The following TPD52 variants were observed in gnomAD, a reference collection of about 807,000 sequenced individuals.
The protein encoded by TPD52 is prostate and colon associated protein.
A neutral mutation model predicts 31.3 loss-of-function variants in TPD52; 17 were observed. The ratio of observed to expected loss-of-function variants is 0.54; its 90% CI spans 0.37 to 0.82. TPD52 has a LOEUF of 0.82. Ranked by LOEUF, TPD52 falls within the 40% of genes least tolerant of loss-of-function variation. The pLI, the probability that TPD52 is intolerant of heterozygous loss-of-function variation, is 0.00. For missense variants in TPD52, 212 were observed against 240.1 expected (o/e 0.88, Z 0.77); for synonymous variants, 83 against 89.6 (o/e 0.93, Z 0.42).
At position 80,051,527 on chromosome 8, in the gene TPD52, T is replaced by C; in HGVS notation, c.386A>G (p.Lys129Arg). 6.2e-7 allele frequency: 1 copy of C among 1,613,548 alleles called. No individual in the cohort carries two copies. The highest frequency in any genetic ancestry group is 8.5e-7 in the Non-Finnish European group (1 of 1,179,586). Reference protein sequence around the residue: ...SVITKKLEDVKLQAFSHSFSI... With the variant: ...SVITKKLEDVRLQAFSHSFSI... ...TGAGCAAGGAAAAATGAGGACATAC[T>C]TTACATCTTCCAGCTTTTTGGTGAT... The change falls in exon 4 of 8, where the codon AAA becomes AGA. Residue 129 changes from lysine (K) to arginine (R), a missense_variant and splice_region_variant. Lys to Arg is a conservative substitution (Grantham distance 26). Coordinates refer to ENST00000518937, the MANE Select transcript of TPD52 (RefSeq NM_001025253.3).
rs575005986 is a variant in TPD52 at position 80,060,558 on chromosome 8, G to A, written c.135+3920C>T. Reference sequence around the variant, plus strand: ...CCAAAGCCAGAGAATGATATCACAAGAAAACAGCAGCCCATATCTCCTATG... The same window carrying A: ...CCAAAGCCAGAGAATGATATCACAAAAAAACAGCAGCCCATATCTCCTATG... On this transcript the variant is annotated intron_variant, in intron 2 of 7. Transcript: ENST00000518937. 5.3e-5 allele frequency among the ~76,000 whole-genome samples: 8 copies of A among 150,760 alleles called. No individual in the cohort carries two copies. In the South Asian group the frequency reaches 1.7e-3, roughly 31 times the overall value.
intron 1 of TPD52, among the ~76,000 whole-genome samples, chr8:80,123,574 T>C (rs1808403503): frequency 6.6e-6 from 1 of 152,170 alleles, no homozygotes; most frequent in South Asian, 2.1e-4. Flanking sequence ...AAAGAAATAC[T>C]ACTAATAATT....
At chr8:80,060,084 C>CAA (rs77812307) in intron 2 of TPD52, among the ~76,000 whole-genome samples, 1 of 80,716 alleles carries the variant, frequency 1.2e-5, no homozygotes, top group Non-Finnish European at 2.4e-5. Flanking sequence ...GACTCCATCT[C>CAA]AAAAAAAAAA....
Position 80,037,286 on chromosome 8 carries a change from T to C in TPD52, c.*830A>G, listed in dbSNP as rs1012763464. ...GATCTAAACTTTCAGGCTTTTGAAC[T>C]GAACATTGATGACAGTGTTCATAGT... is the stretch of plus-strand genomic sequence containing the variant. On this transcript the variant is annotated 3_prime_UTR_variant, in exon 8 of 8. Coordinates refer to ENST00000518937, the MANE Select transcript of TPD52 (RefSeq NM_001025253.3). The C allele has an allele frequency of 6.6e-6, 1 of 152,460 alleles. No individual in the cohort carries two copies. The highest frequency in any genetic ancestry group is 1.9e-4 in the East Asian group (1 of 5,202). 9.4% of individuals were successfully genotyped at this position (152,460 alleles called of 1,614,324 possible). A position where few individuals can be genotyped will look rare whatever the true frequency, so the allele number is the denominator to read the frequency against.
intron 1 of TPD52, among the ~76,000 whole-genome samples, chr8:80,153,097 G>C (rs535903724): frequency 2.6e-5 from 4 of 152,158 alleles, no homozygotes; most frequent in Non-Finnish European, 5.9e-5. Context: ...GAGGTTACTA[G>C]GATTTTATTA....
rs901757631 is a variant in TPD52, at chr8:80,050,342, G to A, written c.413+103C>T. 1.7e-5 allele frequency: 20 copies of A among 1,149,560 alleles called. No homozygotes were observed. In the East Asian group the frequency reaches 4.5e-4, roughly 26 times the overall value. 71.2% of individuals were successfully genotyped at this position (1,149,560 alleles called of 1,614,324 possible). On this transcript the variant is annotated intron_variant, in intron 5 of 7. Coordinates refer to ENST00000518937, the MANE Select transcript of TPD52 (RefSeq NM_001025253.3). ...GATACTCTAAACGCAAGAAAATTAT[G>A]TACTGGACAAACACGATCATCCAAC...
At chr8:80,072,798 C>CACATATATATAT (rs977939775) in intron 1 of TPD52, among the ~76,000 whole-genome samples, 1 of 141,046 alleles carries the variant, frequency 7.1e-6, no homozygotes, top group African/African-American at 3.0e-5. Context: ...CACACACACA[C>CACATATATATAT]ATATATATAT....
At chr8:80,053,700 C>T (rs1811590902) in intron 2 of TPD52, among the ~76,000 whole-genome samples, 1 of 152,098 alleles carries the variant, frequency 6.6e-6, no homozygotes, top group African/African-American at 2.4e-5. Context: ...CTTCCTTACT[C>T]AGCTATCTCA....
intron 1 of TPD52, chr8:80,171,169 G>C (rs746439438): frequency 8.6e-6 from 6 of 697,312 alleles, no homozygotes; most frequent in Non-Finnish European, 1.3e-5. Flanking sequence ...CCACCTCCCA[G>C]AACCTTCTCT....
intron 1 of TPD52, among the ~76,000 whole-genome samples, chr8:80,154,599 G>A (rs1391039363): frequency 6.6e-6 from 1 of 151,990 alleles, no homozygotes; most frequent in Non-Finnish European, 1.5e-5. Context: ...TTTCTCCTCA[G>A]CCCAAAATTC....
chr8:80,115,822 T>G (rs930028634), intron 1 of TPD52, among the ~76,000 whole-genome samples: 1 of 152,194 alleles, frequency 6.6e-6, no homozygotes, highest in Admixed American at 6.5e-5. Context: ...AGGATAAATC[T>G]GACCACACAA....
chr8:80,165,573 A>G (rs947741048), intron 1 of TPD52, among the ~76,000 whole-genome samples: 3 of 152,340 alleles, frequency 2.0e-5, no homozygotes, highest in East Asian at 1.9e-4. Flanking sequence ...TGAAGCTCCC[A>G]TATGAAAGAT....
intron 1 of TPD52, among the ~76,000 whole-genome samples, chr8:80,083,625 T>C (rs1391712877): frequency 6.6e-6 from 1 of 152,188 alleles, no homozygotes; most frequent in Non-Finnish European, 1.5e-5. Flanking sequence ...GCCATGATTG[T>C]AAGTTTCCTG....
chr8:80,116,883 T>C (rs894719865), intron 1 of TPD52, among the ~76,000 whole-genome samples: 1 of 151,826 alleles, frequency 6.6e-6, no homozygotes, highest in Non-Finnish European at 1.5e-5. Flanking sequence ...TATCAATAGA[T>C]AAAGGACTAA....
At position 80,072,319 on chromosome 8, in the gene TPD52, G is replaced by GTA. The variant is rs1417018941; in HGVS notation, c.20-7727_20-7726insTA. Among the ~76,000 whole-genome samples, 102 of 118,668 alleles carry GTA rather than the reference G, an allele frequency of 8.6e-4. 3 individuals are homozygous for GTA. Among genetic ancestry groups the GTA allele is most frequent in the African/African-American group, 4.5e-3 (99 of 21,760 alleles). 77.9% of individuals were successfully genotyped at this position (118,668 alleles called of 152,430 possible). On this transcript the variant is annotated intron_variant, in intron 1 of 7. Coordinates refer to ENST00000518937, the MANE Select transcript of TPD52 (RefSeq NM_001025253.3). The stretch of plus-strand genomic sequence containing the variant: ...GAGACTCCATCTAAAAAACATATAT[G>GTA]TGTGTGTGTGTGTGTGTGTGTGTGT...
chr8:80,110,624 C>T, intron 1 of TPD52, among the ~76,000 whole-genome samples: 1 of 149,256 alleles, frequency 6.7e-6, no homozygotes, highest in Non-Finnish European at 1.5e-5. Flanking sequence ...TAAAAAAAAC[C>T]ATTCCAATTG....
rs1809808390 is a variant in TPD52, at chr8:80,035,012, C to G, written c.*3104G>C. 2 of 152,160 alleles carry G rather than the reference C, an allele frequency of 1.3e-5. No individual in the cohort carries two copies. The highest frequency in any genetic ancestry group is 1.5e-5 in the Non-Finnish European group (1 of 68,032). The allele number at this position is 152,160 out of a possible 1,614,324, so 9.4% of individuals were successfully genotyped here. A position where few individuals can be genotyped will look rare whatever the true frequency, so the allele number is the denominator to read the frequency against. On this transcript the variant is annotated 3_prime_UTR_variant, in exon 8 of 8. Coordinates refer to ENST00000518937, the MANE Select transcript of TPD52 (RefSeq NM_001025253.3). ...CAGAACAATAAGGAAATTATGAAAT[C>G]TAAGATGTGCAGGTTTACTTAAAAG...
chr8:80,086,734 TG>T (rs1022344681), intron 1 of TPD52, among the ~76,000 whole-genome samples: 5 of 151,078 alleles, frequency 3.3e-5, no homozygotes, highest in Non-Finnish European at 7.4e-5. Flanking sequence ...ATTAGCTGGT[TG>T]GGGGGGCACG....
intron 1 of TPD52, among the ~76,000 whole-genome samples, chr8:80,066,148 C>G (rs1380466522): frequency 6.6e-6 from 1 of 152,078 alleles, no homozygotes; most frequent in Non-Finnish European, 1.5e-5. Context: ...AGGAGAATAA[C>G]CACACTGTGG....
Sources: allele counts gnomAD v4.1 joint callset (sites outside exome capture counted in the v4.1 genomes callset), GRCh38; gene constraint gnomAD v4.1.1; transcripts MANE v1.5; gene names NCBI Gene and HGNC (gene_info 2026-07-23, HGNC 2026-07-21).